The following ACSBG2 variants were observed in gnomAD, a reference collection of about 807,000 sequenced individuals.
ACSBG2 encodes acyl-CoA synthetase bubblegum family member 2, also known as long-chain-fatty-acid--CoA ligase ACSBG2.
Under a neutral mutation model 74.7 loss-of-function variants are expected in ACSBG2, and 62 were observed. The ratio of observed to expected loss-of-function variants is 0.83; its 90% confidence interval spans 0.68 to 1.03. ACSBG2 has a LOEUF of 1.03. ACSBG2 is among the 50% of genes least tolerant of loss of function. ACSBG2 has a pLI of 0.00. For missense variants in ACSBG2, 730 were observed against 817.6 expected (o/e 0.89, Z 1.31); for synonymous variants, 309 against 294.1 (o/e 1.05, Z -0.52).
chr19:6,161,125 G>C, intron 5 of ACSBG2, 90 bp from the exon 6 acceptor site: 1 of 1,001,000 alleles, frequency 1.0e-6, no homozygotes, highest in Non-Finnish European at 1.5e-6. Flanking sequence ...GGCTAGAGTT[G>C]CTGGAGAGAG....
At chr19:6,141,635 GGA>G (rs1568214997) in intron 2 of ACSBG2, 25 bp downstream of exon 2, 7 of 1,428,014 alleles carry the variant, frequency 4.9e-6, no homozygotes, top group South Asian at 1.1e-5. Context: ...AGAGTACGTG[GGA>G]GAGAGAGTGG....
At chr19:6,183,369 C>T in intron 10 of ACSBG2, 97 bp downstream of exon 10, 1 of 1,007,572 alleles carries the variant, frequency 9.9e-7, no homozygotes, top group Non-Finnish European at 1.5e-6. Flanking sequence ...AAGAGGAATC[C>T]TGACGTGGTG....
intron 7 of ACSBG2, among the ~76,000 whole-genome samples, chr19:6,171,911 ATTTCT>A (rs1272243021): frequency 6.6e-6 from 1 of 151,744 alleles, no homozygotes; most frequent in Non-Finnish European, 1.5e-5. Flanking sequence ...TGGGTTTTTT[ATTTCT>A]TTTTTCTTTA....
Position 6,187,785 on chromosome 19 carries a change from C to A in ACSBG2, c.1867C>A (p.Gln623Lys). The A allele has an allele frequency of 6.2e-6, 10 of 1,614,160 alleles. No homozygotes were observed. Among genetic ancestry groups the A allele is most frequent in the Non-Finnish European group, 8.5e-6 (10 of 1,180,040 alleles). The change falls in exon 13 of 15, where the codon CAG becomes AAG. Residue 623 changes from glutamine to lysine, a missense_variant. Gln to Lys is a moderately conservative substitution (Grantham distance 53). Transcript: ENST00000588485. ...AVNQEAMNNA[Q>K]RIEKWVILEK... ...GAACCAGGAAGCCATGAACAATGCACAGAGGATTGAAAAGTGGGTCATCTT... is the reference window on the plus strand; with the variant it reads ...GAACCAGGAAGCCATGAACAATGCAAAGAGGATTGAAAAGTGGGTCATCTT...
intron 13 of ACSBG2, among the ~76,000 whole-genome samples, chr19:6,188,206 T>C (rs770632609): frequency 5.3e-5 from 8 of 152,212 alleles, no homozygotes; most frequent in Non-Finnish European, 7.3e-5. Flanking sequence ...CTTGCCTGGA[T>C]GGCTTCTTCT....
chr19:6,176,583 TAG>T, intron 7 of ACSBG2: 7 of 248,310 alleles, frequency 2.8e-5, no homozygotes, highest in South Asian at 7.4e-5. Context: ...TCACATACTT[TAG>T]GCTTAAGCAC....
At chr19:6,171,491 A>T (rs2089964641) in intron 7 of ACSBG2, among the ~76,000 whole-genome samples, 1 of 152,152 alleles carries the variant, frequency 6.6e-6, no homozygotes, top group Admixed American at 6.6e-5. Flanking sequence ...GTGGGATATA[A>T]AATTATTGGC....
intron 4 of ACSBG2, among the ~76,000 whole-genome samples, chr19:6,155,922 C>CAA (rs55846830): frequency 0.021 from 2,962 of 140,460 alleles, 69 homozygotes; most frequent in African/African-American, 0.061. Flanking sequence ...AATAAAAAGG[C>CAA]AAAAAAAAAA....
chr19:6,178,285 T>G (rs2090143977), intron 8 of ACSBG2, among the ~76,000 whole-genome samples: 1 of 152,110 alleles, frequency 6.6e-6, no homozygotes. Flanking sequence ...CTTTTCCAGT[T>G]TGGTGAAGTT....
intron 7 of ACSBG2, among the ~76,000 whole-genome samples, chr19:6,170,280 C>T (rs997713136): frequency 6.6e-6 from 1 of 152,118 alleles, no homozygotes; most frequent in South Asian, 2.1e-4. Context: ...GTTGAGGGTT[C>T]TTATCATAAA....
intron 7 of ACSBG2, among the ~76,000 whole-genome samples, chr19:6,168,782 ATTTTT>A (rs2089885173): frequency 6.6e-6 from 1 of 151,650 alleles, no homozygotes; most frequent in South Asian, 2.1e-4. Flanking sequence ...GTCCTTTTTT[ATTTTT>A]ATTTTTTTTG....
chr19:6,176,224 TG>T, intron 7 of ACSBG2: 2 of 1,190,584 alleles, frequency 1.7e-6, no homozygotes, highest in Non-Finnish European at 2.2e-6. Context: ...TCTACTCACC[TG>T]GGCTACCCAA....
rs370171676 is a variant in ACSBG2 at position 6,180,376 on chromosome 19, G to A, written c.907-2375G>A. On this transcript the variant is annotated intron_variant, in intron 8 of 14. Coordinates refer to ENST00000588485, the MANE Select transcript of ACSBG2 (RefSeq NM_030924.5). The surrounding 1 kb of genome is among the most constrained non-coding windows in gnomAD (Gnocchi z 4.3). ...TCTTTCTCTTGTTCTTTGCAGGGCT[G>A]ACTCTTCTTTGTCACTTAGCTCTCT... is the stretch of plus-strand genomic sequence containing the variant. Among the ~76,000 whole-genome samples the A allele has an allele frequency of 3.3e-5, 5 of 152,186 alleles. No homozygotes were observed. In the South Asian group the frequency reaches 1.0e-3, roughly 31 times the overall value.
Position 6,151,788 on chromosome 19 carries a change from C to A in ACSBG2, c.379C>A (p.Leu127Ile), listed in dbSNP as rs141138406. 315 of 1,592,512 alleles carry A rather than the reference C, an allele frequency of 2.0e-4. 1 individual carries two copies. The African/African-American group carries it at 3.5e-3, about 18-fold the overall frequency. The change falls in exon 4 of 15, where the codon CTA (leucine) becomes ATA (isoleucine). Residue 127 changes from leucine (L) to isoleucine (I), a missense_variant. By Grantham distance (5) the Leu-to-Ile change is conservative. Transcript: ENST00000588485. ...GTTTATCACTGCTGTTGGTGCCATC[C>A]TAGCCGGGTAAGGTCATTGGCTTGG... ...EWFITAVGAILAGGLCVGIYA... is the reference protein window; with the variant it reads ...EWFITAVGAIIAGGLCVGIYA...
chr19:6,164,869 T>C (rs1467384443), intron 6 of ACSBG2, among the ~76,000 whole-genome samples: 3 of 152,222 alleles, frequency 2.0e-5, no homozygotes, highest in Non-Finnish European at 4.4e-5. Flanking sequence ...AATTCTGTCA[T>C]AGTTAAGAGC....
At chr19:6,158,962 G>GT (rs919059355) in intron 5 of ACSBG2, among the ~76,000 whole-genome samples, 20 of 151,064 alleles carry the variant, frequency 1.3e-4, no homozygotes, top group East Asian at 5.8e-4. Context: ...TTTTTTGTTT[G>GT]TTTTTTTCTT....
chr19:6,139,624 C>T (rs190701532), intron 1 of ACSBG2, among the ~76,000 whole-genome samples: 304 of 152,314 alleles, frequency 2.0e-3, no homozygotes, highest in Non-Finnish European at 2.9e-3. Flanking sequence ...GTCAAGCACG[C>T]TCTTTATCAT....
chr19:6,183,187 G>C lies in ACSBG2; in HGVS notation c.1237G>C (p.Asp413His), dbSNP rs1038806369. Reference sequence around the variant, plus strand: ...GACTGCCGAGTTCTTTCTAAGCTTGGACATACCTATAGGCGAGTTGTATGG... The same window carrying C: ...GACTGCCGAGTTCTTTCTAAGCTTGCACATACCTATAGGCGAGTTGTATGG... ...QETAEFFLSLDIPIGELYGLS... is the reference protein window; with the variant it reads ...QETAEFFLSLHIPIGELYGLS... Residue 413 changes from aspartate (D) to histidine (H), a missense_variant, in exon 10 of 15, where the codon GAC becomes CAC. By Grantham distance (81) the Asp-to-His change is moderately conservative (BLOSUM62 -1). Coordinates refer to ENST00000588485, the MANE Select transcript of ACSBG2 (RefSeq NM_030924.5). 6.2e-6 allele frequency: 10 copies of C among 1,614,064 alleles called. No individual in the cohort carries two copies. Among genetic ancestry groups the C allele is most frequent in the Admixed American group, 1.7e-5 (1 of 59,990 alleles).
intron 13 of ACSBG2, among the ~76,000 whole-genome samples, chr19:6,188,262 C>A (rs1048973055): frequency 6.6e-6 from 1 of 152,164 alleles, no homozygotes; most frequent in Non-Finnish European, 1.5e-5. Context: ...CTCAGAGCAG[C>A]CTTGTTACAG....
Sources: allele counts gnomAD v4.1 joint callset (sites outside exome capture counted in the v4.1 genomes callset), GRCh38; gene constraint gnomAD v4.1.1; non-coding constraint Gnocchi (gnomAD v3.1); transcripts MANE v1.5; gene names NCBI Gene and HGNC (gene_info 2026-07-23, HGNC 2026-07-21).